Variants in CDH18 observed in about 807,000 individuals in gnomAD.
CDH18 encodes cadherin 18.
Under a neutral mutation model 67.9 loss-of-function variants are expected in CDH18, and 31 were observed. The ratio of observed to expected loss-of-function variants is 0.46; its 90% CI spans 0.34 to 0.62. CDH18 has a LOEUF of 0.62. Among genes scored for constraint, CDH18 ranks in the 20% least tolerant of loss-of-function variants. The pLI, the probability that CDH18 is intolerant of heterozygous loss-of-function variation, is 0.01. For synonymous variants in CDH18, 362 were observed against 347.2 expected, an observed-to-expected ratio of 1.04 and a Z score of -0.48; for missense variants, 890 against 975.5, an observed-to-expected ratio of 0.91 and a Z score of 1.17.
chr5:19,994,597 A>G (rs1313291469), intron 2 of CDH18, among the ~76,000 whole-genome samples: 1 of 147,746 alleles, frequency 6.8e-6, no homozygotes. Flanking sequence ...TTGCTTCCCA[A>G]CACCACTAGT....
intron 3 of CDH18, among the ~76,000 whole-genome samples, chr5:19,815,533 A>T (rs1296412703): frequency 6.6e-6 from 1 of 150,408 alleles, no homozygotes; most frequent in African/African-American, 2.4e-5. Context: ...CATTTCTTTA[A>T]TTTGAAAATA....
chr5:20,463,866 G>A (rs1751448860), intron 1 of CDH18, among the ~76,000 whole-genome samples: 1 of 152,076 alleles, frequency 6.6e-6, no homozygotes, highest in African/African-American at 2.4e-5. Context: ...CTAGGGGAAG[G>A]AATGCTACTA....
chr5:20,261,348 A>C (rs1003439615), intron 1 of CDH18, among the ~76,000 whole-genome samples: 16 of 152,216 alleles, frequency 1.1e-4, no homozygotes. Flanking sequence ...AAATAAGATT[A>C]TTTATGAAAT....
intron 2 of CDH18, among the ~76,000 whole-genome samples, chr5:20,065,181 T>TA (rs1016147662): frequency 6.6e-6 from 1 of 151,856 alleles, no homozygotes; most frequent in Non-Finnish European, 1.5e-5. Flanking sequence ...AAGTTAAGTT[T>TA]AAAAAAATGG....
chr5:20,076,493 TA>T, intron 2 of CDH18, among the ~76,000 whole-genome samples: 1 of 149,912 alleles, frequency 6.7e-6, no homozygotes, highest in East Asian at 2.0e-4. Context: ...TCTTTTAAAA[TA>T]AAAGACATCA....
At chr5:19,693,666 G>A (rs1762188431) in intron 5 of CDH18, among the ~76,000 whole-genome samples, 1 of 152,138 alleles carries the variant, frequency 6.6e-6, no homozygotes, top group Non-Finnish European at 1.5e-5. Flanking sequence ...GGAGGCCAAG[G>A]CAGGTGGATC....
intron 2 of CDH18, among the ~76,000 whole-genome samples, chr5:20,228,641 A>G (rs534442705): frequency 6.6e-6 from 1 of 151,974 alleles, no homozygotes; most frequent in Non-Finnish European, 1.5e-5. Context: ...TGCTCCTATT[A>G]ATCACCATTC....
At chr5:19,912,721 G>C (rs1283839203) in intron 2 of CDH18, among the ~76,000 whole-genome samples, 3 of 152,160 alleles carry the variant, frequency 2.0e-5, no homozygotes, top group Non-Finnish European at 4.4e-5. Flanking sequence ...AGAAAGATTT[G>C]AGTTTAGCCT....
intron 2 of CDH18, among the ~76,000 whole-genome samples, chr5:20,100,863 A>T (rs1374425702): frequency 6.6e-6 from 1 of 152,104 alleles, no homozygotes; most frequent in Admixed American, 6.6e-5. Context: ...CATAGATTTT[A>T]CTTTATATTT....
In CDH18 at chr5:20,445,515, T is replaced by TA. The variant is rs1291915596; in HGVS notation, c.-580+129946dup. 2.6e-5 allele frequency among the ~76,000 whole-genome samples: 4 copies of TA among 152,108 alleles called. 1 individual carries two copies. The highest frequency in any genetic ancestry group is 2.9e-5 in the Non-Finnish European group (2 of 68,024). ...TCAATAGAGGTCAAGACTATTGTGA[T>TA]AAAAAACAAAAGAGAGAGGTTAAAC... On this transcript the variant is annotated intron_variant, in intron 1 of 14. Transcript: ENST00000507958.
intron 12 of CDH18, among the ~76,000 whole-genome samples, chr5:19,478,316 T>G (rs185568591): frequency 6.6e-6 from 1 of 152,304 alleles, no homozygotes; most frequent in Non-Finnish European, 1.5e-5. Flanking sequence ...TTCTTTGTCA[T>G]ACCATCATAT....
At chr5:20,503,189 TA>T (rs5866432) in intron 1 of CDH18, among the ~76,000 whole-genome samples, 71,207 of 149,836 alleles carry the variant, frequency 0.48, 17,096 homozygotes, top group East Asian at 0.56. Context: ...AACACAAATT[TA>T]AAAAAAAAAC....
intron 8 of CDH18, among the ~76,000 whole-genome samples, chr5:19,544,433 T>C (rs1701452600): frequency 6.6e-6 from 1 of 152,292 alleles, no homozygotes; most frequent in African/African-American, 2.4e-5. Flanking sequence ...AATTTCATTG[T>C]AGCTAAGGTT....
At chr5:19,777,650 A>G (rs1169692551) in intron 3 of CDH18, among the ~76,000 whole-genome samples, 1 of 152,198 alleles carries the variant, frequency 6.6e-6, no homozygotes, top group East Asian at 1.9e-4. Flanking sequence ...TTCATCCTTG[A>G]TCAAAGAAGA....
At chr5:20,503,310 C>T (rs1472469842) in intron 1 of CDH18, among the ~76,000 whole-genome samples, 1 of 150,886 alleles carries the variant, frequency 6.6e-6, no homozygotes, top group Non-Finnish European at 1.5e-5. Flanking sequence ...TAAGCGAAAA[C>T]TAAACCCACT....
intron 2 of CDH18, among the ~76,000 whole-genome samples, chr5:20,226,330 A>G (rs1046966774): frequency 2.0e-5 from 3 of 152,122 alleles, no homozygotes; most frequent in Admixed American, 1.3e-4. Flanking sequence ...GCCAAATTAT[A>G]TTTGACAATC....
chr5:20,180,015 T>A (rs1443166625), intron 2 of CDH18, among the ~76,000 whole-genome samples: 2 of 152,162 alleles, frequency 1.3e-5, no homozygotes, highest in Admixed American at 1.3e-4. Flanking sequence ...ATGCTCCTGA[T>A]TATTGTAAAT....
At chr5:19,667,463 G>C (rs966636604) in intron 5 of CDH18, among the ~76,000 whole-genome samples, 1 of 147,686 alleles carries the variant, frequency 6.8e-6, no homozygotes, top group African/African-American at 2.5e-5. Context: ...AATTTCATGA[G>C]ACTTATAATC....
intron 2 of CDH18, among the ~76,000 whole-genome samples, chr5:20,098,279 C>T (rs2150572669): frequency 6.6e-6 from 1 of 152,016 alleles, no homozygotes; most frequent in African/African-American, 2.4e-5. Flanking sequence ...TTAAATGCTT[C>T]TTTATTTAAA....
Sources: gnomAD v4.1 joint callset for allele counts (sites outside exome capture counted in the v4.1 genomes callset) on GRCh38, gnomAD v4.1.1 for gene constraint, MANE v1.5 for transcripts, NCBI Gene and HGNC (gene_info 2026-07-23, HGNC 2026-07-21) for gene names.